Variants in SWT1 observed in about 807,000 individuals in gnomAD.
SWT1 encodes the protein transcriptional protein SWT1.
In SWT1, 33 loss-of-function variants were observed where a neutral mutation model predicts 107.3. The ratio of observed to expected loss-of-function variants is 0.31; its 90% CI spans 0.23 to 0.41. The LOEUF (loss-of-function observed/expected upper bound fraction) is 0.41. SWT1 is among the 10% of genes least tolerant of loss of function. The pLI is 1.00. For missense variants in SWT1, 898 were observed against 1,028.9 expected (o/e 0.87, Z 1.74); for synonymous variants, 345 against 348.3 (o/e 0.99, Z 0.11).
intron 16 of SWT1, among the ~76,000 whole-genome samples, chr1:185,257,461 A>G (rs954723305): frequency 1.1e-4 from 16 of 152,144 alleles, no homozygotes; most frequent in African/African-American, 2.4e-4. Flanking sequence ...CCTCCGAGCC[A>G]GGTGCGGGAT....
chr1:185,161,065 C>G (rs1052408699), intron 2 of SWT1, 140 bp downstream of exon 2: 2 of 637,144 alleles, frequency 3.1e-6, no homozygotes, highest in Non-Finnish European at 5.3e-6. Flanking sequence ...TTTGCTTTTC[C>G]GGTTTTTTAC....
chr1:185,191,905 C>G (rs558049263), intron 10 of SWT1, among the ~76,000 whole-genome samples: 2 of 152,102 alleles, frequency 1.3e-5, no homozygotes. Flanking sequence ...CCAAACCTTA[C>G]TTTTAATTCT....
chr1:185,171,664 C>CTT, intron 4 of SWT1: 6 of 450,772 alleles, frequency 1.3e-5, no homozygotes, highest in Admixed American at 2.3e-5. Context: ...GAACCTGCTT[C>CTT]TTTTTTTTTT....
chr1:185,242,641 A>G (rs1661330284), intron 16 of SWT1, among the ~76,000 whole-genome samples: 1 of 152,168 alleles, frequency 6.6e-6, no homozygotes, highest in African/African-American at 2.4e-5. Context: ...TAAATTATCA[A>G]ATCACATCCA....
intron 8 of SWT1, 82 bp downstream of exon 8, chr1:185,184,426 C>A (rs746111866): frequency 1.2e-6 from 1 of 817,806 alleles, no homozygotes; most frequent in Non-Finnish European, 2.0e-6. Context: ...CTTTTTTTGC[C>A]ATGAACATGT....
At chr1:185,213,210 G>A (rs1571520728) in intron 13 of SWT1, among the ~76,000 whole-genome samples, 1 of 152,108 alleles carries the variant, frequency 6.6e-6, no homozygotes, top group Non-Finnish European at 1.5e-5. Flanking sequence ...CATTGGAAAA[G>A]CACCCTTAAA....
chr1:185,174,789 T>G lies in SWT1; in HGVS notation c.642T>G (p.Asp214Glu). The change falls in exon 5 of 19, where the codon GAT becomes GAG. Residue 214 changes from aspartate to glutamate, a missense_variant. Asp to Glu is a conservative substitution (Grantham distance 45). This residue lies in a region of SWT1 where 382 missense variants were observed against 362.4 expected (regional missense o/e 1.05). Transcript: ENST00000367500. ...GGAAGAGAAATCAATTTTCTCAGGATTATAACTCCAACAAGATAATTAAGG... is the reference window on the plus strand; with the variant it reads ...GGAAGAGAAATCAATTTTCTCAGGAGTATAACTCCAACAAGATAATTAAGG... Reference protein sequence around the residue: ...EKWKRNQFSQDYNSNKIIKEP... With the variant: ...EKWKRNQFSQEYNSNKIIKEP... 2 of 1,612,072 alleles carry G rather than the reference T, an allele frequency of 1.2e-6. No individual in the cohort carries two copies. Among genetic ancestry groups the G allele is most frequent in the Non-Finnish European group, 1.7e-6 (2 of 1,179,544 alleles).
At chr1:185,277,412 C>T (rs1019569459) in intron 18 of SWT1, among the ~76,000 whole-genome samples, 1 of 152,248 alleles carries the variant, frequency 6.6e-6, no homozygotes, top group East Asian at 1.9e-4. Flanking sequence ...CCTCACCCTC[C>T]CAAGTAGCTG....
At chr1:185,176,679 T>A (rs1326466606) in intron 5 of SWT1, 1 of 985,248 alleles carries the variant, frequency 1.0e-6, no homozygotes, top group African/African-American at 1.7e-5. Flanking sequence ...CTACCTGCTT[T>A]TAGGTATTAA....
intron 16 of SWT1, 21 bp downstream of exon 16, chr1:185,231,729 A>G: frequency 1.3e-6 from 2 of 1,573,276 alleles, no homozygotes; most frequent in African/African-American, 2.7e-5. Context: ...TATTAATTTT[A>G]AAGTGTTATT....
At chr1:185,275,944 CCTTA>C (rs1227478896) in intron 17 of SWT1, among the ~76,000 whole-genome samples, 1 of 152,064 alleles carries the variant, frequency 6.6e-6, no homozygotes, top group African/African-American at 2.4e-5. Flanking sequence ...TAGAAATTAG[CCTTA>C]CTGTTTCCTT....
chr1:185,233,719 C>G (rs921788656), intron 16 of SWT1, among the ~76,000 whole-genome samples: 1 of 152,030 alleles, frequency 6.6e-6, no homozygotes, highest in African/African-American at 2.4e-5. Flanking sequence ...TGTTTTACTT[C>G]GAATTATGTG....
chr1:185,209,640 T>A (rs1286127856), intron 13 of SWT1, among the ~76,000 whole-genome samples: 1 of 152,228 alleles, frequency 6.6e-6, no homozygotes, highest in African/African-American at 2.4e-5. Context: ...GGCATTTGGG[T>A]TGGTTCCAAG....
chr1:185,167,968 T>A (rs183650868), intron 3 of SWT1, among the ~76,000 whole-genome samples: 80 of 152,354 alleles, frequency 5.3e-4, no homozygotes, highest in South Asian at 1.5e-3. Context: ...CTCGTCTTTA[T>A]TATTTTATGT....
At chr1:185,207,594 G>C (rs1444548682) in intron 13 of SWT1, among the ~76,000 whole-genome samples, 1 of 152,156 alleles carries the variant, frequency 6.6e-6, no homozygotes, top group Non-Finnish European at 1.5e-5. Flanking sequence ...AACTAGATTT[G>C]TCTTGTTATG....
At chr1:185,258,237 T>C (rs542079661) in intron 16 of SWT1, among the ~76,000 whole-genome samples, 2 of 152,334 alleles carry the variant, frequency 1.3e-5, no homozygotes, top group East Asian at 3.9e-4. Flanking sequence ...ATCCTGAATA[T>C]AGCAAGGATC....
intron 10 of SWT1, among the ~76,000 whole-genome samples, chr1:185,198,529 G>T (rs921820943): frequency 3.3e-5 from 5 of 152,122 alleles, no homozygotes; most frequent in Admixed American, 6.5e-5. Flanking sequence ...TGACAGTGGG[G>T]TGTTAAAGTC....
rs556870983 is a variant in SWT1 at position 185,235,422 on chromosome 1, A to C, written c.2441+3714A>C. ...GCTGGTTCAACATACGCAATTCAATAAATGTAATCCAGCATATAAACAGAG... is the reference window on the plus strand; with the variant it reads ...GCTGGTTCAACATACGCAATTCAATCAATGTAATCCAGCATATAAACAGAG... On this transcript the variant is annotated intron_variant, in intron 16 of 18. Transcript: ENST00000367500. Among the ~76,000 whole-genome samples the C allele has an allele frequency of 5.5e-3, 843 of 152,298 alleles. 35 individuals are homozygous for C. The East Asian group carries it at 0.094, about 17-fold the overall frequency.
chr1:185,215,652 C>T (rs547551550), intron 14 of SWT1, among the ~76,000 whole-genome samples: 186 of 152,268 alleles, frequency 1.2e-3, no homozygotes, highest in Admixed American at 2.7e-3. Flanking sequence ...GATTCTTCCA[C>T]GTCAGCCCCC....
Sources: allele counts gnomAD v4.1 joint callset (sites outside exome capture counted in the v4.1 genomes callset), GRCh38; gene constraint gnomAD v4.1.1; regional missense constraint gnomAD v4.1.1; transcripts MANE v1.5; gene names NCBI Gene and HGNC (gene_info 2026-07-23, HGNC 2026-07-21).